Variants in PTDSS2 observed in about 807,000 individuals in gnomAD.
The protein encoded by PTDSS2 is phosphatidylserine synthase 2, also known as PSS-2.
A neutral mutation model predicts 64.7 loss-of-function variants in PTDSS2; 41 were observed. That is an observed-to-expected ratio of 0.63 (90% CI 0.49 to 0.82). PTDSS2 has a LOEUF of 0.82. Ranked by LOEUF, PTDSS2 falls within the 40% of genes least tolerant of loss-of-function variation. PTDSS2 has a pLI of 0.00. For missense variants in PTDSS2, 485 were observed against 650.0 expected (o/e 0.75, Z 2.76); for synonymous variants, 297 against 277.8 (o/e 1.07, Z -0.69).
chr11:460,164 G>A lies in PTDSS2; in HGVS notation c.183-23G>A. The A allele has an allele frequency of 6.3e-7, 1 of 1,597,198 alleles. No homozygotes were observed. ...AATGCTGCCCAAGCTCTGACACCAT[G>A]CTTATGCGTTTTTGGATTTCAGGCG... On this transcript the variant is annotated intron_variant, in intron 1 of 11. Transcript: ENST00000308020. The surrounding 1 kb of genome is among the most constrained non-coding windows in gnomAD (Gnocchi z 5.8).
intron 2 of PTDSS2, among the ~76,000 whole-genome samples, chr11:466,770 T>C (rs990765580): frequency 3.3e-5 from 5 of 152,106 alleles, no homozygotes; most frequent in Non-Finnish European, 5.9e-5. Context: ...GAGAACAGCA[T>C]GGGGGAACCG....
intron 8 of PTDSS2, 50 bp from the exon 9 acceptor site, chr11:489,350 C>A: frequency 6.7e-7 from 1 of 1,501,668 alleles, no homozygotes; most frequent in Non-Finnish European, 9.2e-7. Context: ...TGGCACAGGG[C>A]AGGGTTCGGT....
intron 1 of PTDSS2, chr11:459,343 C>G (rs9736326): frequency 2.0e-5 from 3 of 149,932 alleles, no homozygotes; most frequent in African/African-American, 7.6e-5. Flanking sequence ...AGGACACACT[C>G]CGGTGGATGT....
rs1296796051 is a variant in PTDSS2 at position 475,031 on chromosome 11, TGTTTGTGTGATACGGACATTCACGC to T, written c.367+1067_367+1091del. 1.0e-4 allele frequency among the ~76,000 whole-genome samples: 7 copies of T among 69,446 alleles called. No homozygotes were observed. In the Admixed American group the frequency reaches 1.0e-3, roughly 10 times the overall value. The allele number at this position is 69,446 out of a possible 152,430, so 45.6% of individuals were successfully genotyped here. ...TTTGTGTGATACGGACATATTCACG[TGTTTGTGTGATACGGACATTCACGC>T]GTTTGTGTGATATGGACACATTCAC... On this transcript the variant is annotated intron_variant, in intron 3 of 11. Coordinates refer to ENST00000308020, the MANE Select transcript of PTDSS2 (RefSeq NM_030783.3).
upstream of PTDSS2, among the ~76,000 whole-genome samples, chr11:449,957 T>A: frequency 6.6e-6 from 1 of 152,072 alleles, no homozygotes. Context: ...CAAAAAGGAA[T>A]GACCCGGGTC....
rs536947376 is a variant in PTDSS2, at chr11:470,830, C to T, written c.285-3065C>T. ...GTCTCGAACTCCTGACCTTGTGATC[C>T]GCCTGCCTCAGCCTCCCAAAGTGCT... On this transcript the variant is annotated intron_variant, in intron 2 of 11. Transcript: ENST00000308020. The surrounding 1 kb of genome is among the most constrained non-coding windows in gnomAD (Gnocchi z 5.3). Among the ~76,000 whole-genome samples the T allele has an allele frequency of 7.0e-3, 1,069 of 151,962 alleles. 14 individuals carry two copies. Among genetic ancestry groups the T allele is most frequent in the African/African-American group, 0.025 (1,016 of 41,400 alleles).
chr11:489,766 C>T (rs1848580922), intron 10 of PTDSS2, 33 bp downstream of exon 10: 2 of 1,596,458 alleles, frequency 1.3e-6, no homozygotes, highest in East Asian at 2.3e-5. Context: ...TGGAGACACC[C>T]CCGGGGGGCA....
rs1011591730 is a variant in PTDSS2, at chr11:476,350, TCA to T, written c.367+2378_367+2379del. Among the ~76,000 whole-genome samples, 2 of 152,034 alleles carry T rather than the reference TCA, an allele frequency of 1.3e-5. No homozygotes were observed. The highest frequency in any genetic ancestry group is 2.9e-5 in the Non-Finnish European group (2 of 67,990). On this transcript the variant is annotated intron_variant, in intron 3 of 11. Coordinates refer to ENST00000308020, the MANE Select transcript of PTDSS2 (RefSeq NM_030783.3). This position sits in a 1 kb window ranked among gnomAD's most constrained non-coding sequence, Gnocchi z 4.9. ...CGCCGTGACGGTGAGAAACTGCCCG[TCA>T]CACAGTGAAAGGCCTGGCGCGGTGA...
chr11:482,454 C>G (rs890176903), intron 4 of PTDSS2, among the ~76,000 whole-genome samples: 2 of 152,072 alleles, frequency 1.3e-5, no homozygotes, highest in Non-Finnish European at 2.9e-5. Flanking sequence ...AACTCCTGGT[C>G]TCAAGTGAGC....
chr11:490,401 G>A lies in PTDSS2; in HGVS notation c.1302-19G>A, dbSNP rs115931876. 346 of 1,613,062 alleles carry A rather than the reference G, an allele frequency of 2.1e-4. 3 individuals are homozygous for A. The African/African-American group carries it at 4.3e-3, about 20-fold the overall frequency. On this transcript the variant is annotated intron_variant, in intron 11 of 11. Transcript: ENST00000308020. ...GGCTGGTGTGGGGGCAGGTGGTGAC[G>A]CTGCATCCCGCTCCCCAGGGACATC...
rs1039968490 is a variant in PTDSS2 at position 461,860 on chromosome 11, A to G, written c.284+1572A>G. Among the ~76,000 whole-genome samples the G allele has an allele frequency of 1.3e-5, 2 of 152,108 alleles. No homozygotes were observed. The highest frequency in any genetic ancestry group is 1.3e-4 in the Admixed American group (2 of 15,280). On this transcript the variant is annotated intron_variant, in intron 2 of 11. Transcript: ENST00000308020. The surrounding 1 kb of genome is among the most constrained non-coding windows in gnomAD (Gnocchi z 4.2). ...GCCCCTGTGGAGGGGCCACCTGGGGACGCTGGACCTGTGGCTCTGGAGGCA... is the reference window on the plus strand; with the variant it reads ...GCCCCTGTGGAGGGGCCACCTGGGGGCGCTGGACCTGTGGCTCTGGAGGCA...
intron 10 of PTDSS2, 45 bp from the exon 11 acceptor site, chr11:489,838 G>A: frequency 1.3e-6 from 2 of 1,544,930 alleles, no homozygotes; most frequent in Non-Finnish European, 1.7e-6. Context: ...CCGCCTGGAG[G>A]ACCCTGCGGG....
Position 479,535 on chromosome 11 carries a change from T to C in PTDSS2, c.435+383T>C, listed in dbSNP as rs1231922987. 1 of 293,422 alleles carries C rather than the reference T, an allele frequency of 3.4e-6. No homozygotes were observed. Among genetic ancestry groups the C allele is most frequent in the East Asian group, 9.0e-5 (1 of 11,162 alleles). 18.2% of individuals were successfully genotyped at this position (293,422 alleles called of 1,614,324 possible). A position where few individuals can be genotyped will look rare whatever the true frequency, so the allele number is the denominator to read the frequency against. Reference sequence around the variant, plus strand: ...TTTGCCCACAGCTGTCGTATCTGAGTGCTGGTGGGGACTGGGCGTGAAGGG... The same window carrying C: ...TTTGCCCACAGCTGTCGTATCTGAGCGCTGGTGGGGACTGGGCGTGAAGGG... On this transcript the variant is annotated intron_variant, in intron 4 of 11. Transcript: ENST00000308020. The surrounding 1 kb of genome is among the most constrained non-coding windows in gnomAD (Gnocchi z 4.2).
intron 6 of PTDSS2, among the ~76,000 whole-genome samples, 195 bp downstream of exon 6, chr11:487,665 C>G (rs1185180803): frequency 2.6e-5 from 4 of 152,194 alleles, no homozygotes; most frequent in Non-Finnish European, 5.9e-5. Context: ...GGTCGGGTCC[C>G]CGCTCCGTCC....
chr11:489,267 G>C (rs373419362), intron 8 of PTDSS2, 133 bp from the exon 9 acceptor site: 2 of 705,356 alleles, frequency 2.8e-6, no homozygotes, highest in Non-Finnish European at 4.8e-6. Context: ...AGGGCGGGGC[G>C]GGGTGACCAA....
In PTDSS2 at chr11:460,125, C is replaced by T. The variant is rs934356837; in HGVS notation, c.183-62C>T. The T allele has an allele frequency of 1.0e-5, 14 of 1,335,234 alleles. No individual in the cohort carries two copies. Among genetic ancestry groups the T allele is most frequent in the East Asian group, 2.3e-5 (1 of 42,802 alleles). The allele number at this position is 1,335,234 out of a possible 1,614,324, so 82.7% of individuals were successfully genotyped here. On this transcript the variant is annotated intron_variant, in intron 1 of 11. Transcript: ENST00000308020. The surrounding 1 kb of genome is among the most constrained non-coding windows in gnomAD (Gnocchi z 5.8). ...CGTAGAGAGGATTTGGGGCCTGTTA[C>T]GTGAGTATTTAGCAATGCTGCCCAA...
At chr11:488,500 C>A in intron 7 of PTDSS2, 29 bp from the exon 8 acceptor site, 3 of 1,586,926 alleles carry the variant, frequency 1.9e-6, no homozygotes, top group Non-Finnish European at 2.6e-6. Context: ...CCCCTCACCC[C>A]TGCAACGAGT....
rs1846258086 is a variant in PTDSS2, at chr11:450,362, C to A, written c.-94C>A. ...GGCCAGCGCCGCGACCCCTTCCCAG[C>A]GCTCCTCGCGCTGTGTGCGGCGCGT... On this transcript the variant is annotated 5_prime_UTR_variant, in exon 1 of 12. Coordinates refer to ENST00000308020, the MANE Select transcript of PTDSS2 (RefSeq NM_030783.3). 1.8e-6 allele frequency: 2 copies of A among 1,120,424 alleles called. No individual in the cohort carries two copies. The highest frequency in any genetic ancestry group is 1.1e-6 in the Non-Finnish European group (1 of 891,556). The allele number at this position is 1,120,424 out of a possible 1,614,324, so 69.4% of individuals were successfully genotyped here. A position where few individuals can be genotyped will look rare whatever the true frequency, so the allele number is the denominator to read the frequency against.
Position 490,769 on chromosome 11 carries a change from C to CACGTGTGT in PTDSS2, c.*197_*204dup, listed in dbSNP as rs1417390725. On this transcript the variant is annotated 3_prime_UTR_variant, in exon 12 of 12. Transcript: ENST00000308020. ...CAGCACAGCCTCATCTCCATGTGTACACGTGTGTACGTGTGTATGCGTGTG... is the reference window on the plus strand; with the variant it reads ...CAGCACAGCCTCATCTCCATGTGTACACGTGTGTACGTGTGTACGTGTGTATGCGTGTG... 10 of 625,810 alleles carry CACGTGTGT rather than the reference C, an allele frequency of 1.6e-5. 1 individual carries two copies. Among genetic ancestry groups the CACGTGTGT allele is most frequent in the Middle Eastern group, 8.4e-4 (2 of 2,374 alleles). 38.8% of individuals were successfully genotyped at this position (625,810 alleles called of 1,614,324 possible).
Sources: allele counts gnomAD v4.1 joint callset (sites outside exome capture counted in the v4.1 genomes callset), GRCh38; gene constraint gnomAD v4.1.1; non-coding constraint Gnocchi (gnomAD v3.1); transcripts MANE v1.5; gene names NCBI Gene and HGNC (gene_info 2026-07-23, HGNC 2026-07-21).